PADI3: variants seen among roughly 807,000 people sequenced by gnomAD.
The protein encoded by PADI3 is protein-arginine deiminase type-3.
In PADI3, 53 loss-of-function variants were observed where a neutral mutation model predicts 71.5. The observed-to-expected ratio is 0.74, with a 90% confidence interval of 0.59 to 0.93. PADI3 has a LOEUF of 0.93. Ranked by LOEUF, PADI3 falls within the 40% of genes least tolerant of loss-of-function variation. The probability of loss-of-function intolerance (pLI) is 0.00; values close to 1 mark genes in which losing one functional copy is unlikely to be tolerated. For missense variants in PADI3, 821 were observed against 868.0 expected (o/e 0.95, Z 0.68); for synonymous variants, 361 against 347.5 (o/e 1.04, Z -0.43).
Position 17,274,748 on chromosome 1 carries a change from C to T in PADI3, c.1269C>T (p.Tyr423=), listed in dbSNP as rs747887099. Residue 423 remains tyrosine, a synonymous_variant, in exon 11 of 16, where the codon TAC becomes TAT. Transcript: ENST00000375460. ...CAGTGGTGGCCAATGGGAAAGAGTA[C>T]CCCCTGGGGAGGATCCTCATTGGGG... The part of the protein sequence containing the change: ...SPPVVANGKE[Y]PLGRILIGGN... 1.2e-6 allele frequency: 2 copies of T among 1,613,266 alleles called. No homozygotes were observed. The highest frequency in any genetic ancestry group is 1.1e-5 in the South Asian group (1 of 90,914).
At chr1:17,282,790 T>A (rs543778816) in intron 15 of PADI3, 56 bp from the exon 16 acceptor site, 3 of 1,308,000 alleles carry the variant, frequency 2.3e-6, no homozygotes, top group African/African-American at 2.9e-5. Context: ...GCAGGTAGAG[T>A]AGAGGTGTGG....
At chr1:17,281,978 C>T (rs563800191) in intron 15 of PADI3, among the ~76,000 whole-genome samples, 1 of 152,306 alleles carries the variant, frequency 6.6e-6, no homozygotes, top group South Asian at 2.1e-4. Context: ...CCTAAAAGAA[C>T]TCAATTTGCC....
At chr1:17,277,181 C>T (rs1437992319) in intron 13 of PADI3, among the ~76,000 whole-genome samples, 1 of 150,636 alleles carries the variant, frequency 6.6e-6, no homozygotes, top group Non-Finnish European at 1.5e-5. Flanking sequence ...AGTCACTATC[C>T]TGAAATCTCC....
chr1:17,261,430 C>T (rs931203448), intron 2 of PADI3, among the ~76,000 whole-genome samples: 1 of 152,136 alleles, frequency 6.6e-6, no homozygotes, highest in Non-Finnish European at 1.5e-5. Flanking sequence ...AATTGAGGCC[C>T]AGAGAAGATC....
intron 2 of PADI3, 81 bp from the exon 3 acceptor site, chr1:17,262,052 T>C (rs2073108387): frequency 1.5e-6 from 2 of 1,290,476 alleles, no homozygotes; most frequent in East Asian, 4.7e-5. Context: ...CCTCCCCTCC[T>C]TACCAGATCC....
intron 11 of PADI3, among the ~76,000 whole-genome samples, chr1:17,275,224 A>G (rs2073312099): frequency 6.6e-6 from 1 of 151,730 alleles, no homozygotes; most frequent in South Asian, 2.1e-4. Flanking sequence ...TCATGAGATC[A>G]GGAGATCGAG....
At chr1:17,274,431 C>T (rs544790293) in intron 10 of PADI3, among the ~76,000 whole-genome samples, 3 of 152,218 alleles carry the variant, frequency 2.0e-5, no homozygotes, top group African/African-American at 7.2e-5. Context: ...CCAGAGAGTC[C>T]GAGCACTTCC....
In PADI3 at chr1:17,283,355, T is replaced by G. The variant is rs139600205; in HGVS notation, c.*276T>G. ...TGATTCAACACAACCCATGGAGATG[T>G]CCCCTTCTCACTCTGAAATCATCCA... On this transcript the variant is annotated 3_prime_UTR_variant, in exon 16 of 16. Transcript: ENST00000375460. The G allele has an allele frequency of 2.5e-6, 1 of 403,406 alleles. No homozygotes were observed. The highest frequency in any genetic ancestry group is 4.5e-6 in the Non-Finnish European group (1 of 221,130). 25.0% of individuals were successfully genotyped at this position (403,406 alleles called of 1,614,324 possible).
chr1:17,264,547 A>G (rs1401689290), intron 3 of PADI3, among the ~76,000 whole-genome samples: 3 of 152,122 alleles, frequency 2.0e-5, no homozygotes, highest in East Asian at 1.9e-4. Flanking sequence ...TCATGGTTTT[A>G]TCTCTTGAAC....
In PADI3 at chr1:17,282,886, A is replaced by T. The variant is rs764567692; in HGVS notation, c.1802A>T (p.Lys601Met). 6.2e-7 allele frequency: 1 copy of T among 1,613,968 alleles called. No homozygotes were observed. The highest frequency in any genetic ancestry group is 8.5e-7 in the Non-Finnish European group (1 of 1,179,932). ...CTGGGGAAGCACCTGGGCATCCCCA[A>T]GCCCTTTGGGCCCATCATCAATGGC... ...LVLGKHLGIP[K>M]PFGPIINGCC... The change falls in exon 16 of 16, where the codon AAG (lysine) becomes ATG (methionine). Residue 601 changes from lysine (K) to methionine (M), a missense_variant. Lys to Met is a moderately conservative substitution (Grantham distance 95, BLOSUM62 -1). Transcript: ENST00000375460.
At chr1:17,269,040 C>T (rs2073210217) in intron 6 of PADI3, among the ~76,000 whole-genome samples, 1 of 151,346 alleles carries the variant, frequency 6.6e-6, no homozygotes, top group African/African-American at 2.4e-5. Context: ...CATGTACCAC[C>T]ACACCCTGCT....
intron 1 of PADI3, among the ~76,000 whole-genome samples, chr1:17,259,126 G>A (rs2073066274): frequency 6.6e-6 from 1 of 152,224 alleles, no homozygotes; most frequent in Non-Finnish European, 1.5e-5. Flanking sequence ...CTGGAGTGCA[G>A]TGGTGCAATC....
chr1:17,257,765 G>A (rs1316885990), intron 1 of PADI3, among the ~76,000 whole-genome samples: 1 of 152,206 alleles, frequency 6.6e-6, no homozygotes, highest in Non-Finnish European at 1.5e-5. Flanking sequence ...GAAGCGGGGG[G>A]AGTGGCCAGC....
chr1:17,273,310 T>G (rs762475358), intron 9 of PADI3, 30 bp from the exon 10 acceptor site: 1 of 1,557,504 alleles, frequency 6.4e-7, no homozygotes, highest in Middle Eastern at 1.8e-4. Context: ...CTGTCACAGC[T>G]GTGCGTCTCT....
At chr1:17,278,128 C>G (rs2073358012) in intron 13 of PADI3, among the ~76,000 whole-genome samples, 1 of 152,232 alleles carries the variant, frequency 6.6e-6, no homozygotes, top group African/African-American at 2.4e-5. Context: ...CAAATAAAAA[C>G]CACCCTGACA....
chr1:17,271,475 T>C (rs775843451), intron 9 of PADI3, among the ~76,000 whole-genome samples: 1 of 152,186 alleles, frequency 6.6e-6, no homozygotes, highest in Non-Finnish European at 1.5e-5. Context: ...CCAGTGGTTC[T>C]CATCAAGAGG....
In PADI3 at chr1:17,259,730, C is replaced by A; in HGVS notation, c.245C>A (p.Ser82Tyr). 6.2e-7 allele frequency: 1 copy of A among 1,610,118 alleles called. No homozygotes were observed. The highest frequency in any genetic ancestry group is 1.1e-5 in the South Asian group (1 of 90,624). ...ATLEIIVVMNSPSNDLNDSHV... is the reference protein window; with the variant it reads ...ATLEIIVVMNYPSNDLNDSHV... Reference sequence around the variant, plus strand: ...TTGGAGATCATCGTGGTCATGAACTCCCCCAGCAATGACCTCAACGACAGC... The same window carrying A: ...TTGGAGATCATCGTGGTCATGAACTACCCCAGCAATGACCTCAACGACAGC... Residue 82 changes from serine (S) to tyrosine (Y), a missense_variant, in exon 2 of 16, where the codon TCC (serine) becomes TAC (tyrosine). Physicochemically the swap from Ser to Tyr is moderately radical, Grantham distance 144 (BLOSUM62 -2). Coordinates refer to ENST00000375460, the MANE Select transcript of PADI3 (RefSeq NM_016233.2).
chr1:17,257,283 G>C (rs189137588), intron 1 of PADI3, among the ~76,000 whole-genome samples: 75 of 152,282 alleles, frequency 4.9e-4, no homozygotes, highest in Middle Eastern at 3.4e-3. Flanking sequence ...TTTCCCCTGT[G>C]GGGGGCTGCC....
Position 17,259,770 on chromosome 1 carries a change from C to T in PADI3, c.273+12C>T, listed in dbSNP as rs1281916180. The T allele has an allele frequency of 6.3e-7, 1 of 1,587,096 alleles. No individual in the cohort carries two copies. Among genetic ancestry groups the T allele is most frequent in the Non-Finnish European group, 8.6e-7 (1 of 1,162,048 alleles). On this transcript the variant is annotated intron_variant, in intron 2 of 15. Transcript: ENST00000375460. ...TCAACGACAGCCATGTGAGCTGGTCCCTGGTGGGGTGGGGAGAGGTTTCGA... is the reference window on the plus strand; with the variant it reads ...TCAACGACAGCCATGTGAGCTGGTCTCTGGTGGGGTGGGGAGAGGTTTCGA...
Sources: gnomAD v4.1 joint callset for allele counts (sites outside exome capture counted in the v4.1 genomes callset) on GRCh38, gnomAD v4.1.1 for gene constraint, MANE v1.5 for transcripts, NCBI Gene and HGNC (gene_info 2026-07-23, HGNC 2026-07-21) for gene names.